ANK3: variants seen among roughly 807,000 people sequenced by gnomAD.
ANK3 encodes ankyrin-3.
A neutral mutation model predicts 370.9 loss-of-function variants in ANK3; 57 were observed. That is an observed-to-expected ratio of 0.15 (90% CI 0.12 to 0.19). ANK3 has a LOEUF of 0.19. ANK3 is among the 10% of genes least tolerant of loss of function. The probability of loss-of-function intolerance (pLI) is 1.00; values close to 1 mark genes in which losing one functional copy is unlikely to be tolerated. For missense variants in ANK3, 4,439 were observed against 5,302.1 expected (o/e 0.84, Z 5.06); for synonymous variants, 1,929 against 1,946.3 (o/e 0.99, Z 0.23).
intron 23 of ANK3, 69 bp from the exon 24 acceptor site, chr10:60,139,156 A>C: frequency 1.3e-6 from 2 of 1,558,910 alleles, no homozygotes; most frequent in South Asian, 1.2e-5. Flanking sequence ...GGAGAAAATC[A>C]CTCCTTTGGT....
At chr10:60,202,900 C>G (rs2096706838) in intron 12 of ANK3, 102 bp downstream of exon 12, 1 of 755,578 alleles carries the variant, frequency 1.3e-6, no homozygotes, top group African/African-American at 1.8e-5. Context: ...GAGCGATACT[C>G]CAACTCTTAA....
chr10:60,457,477 T>G (rs75273753), intron 2 of ANK3, among the ~76,000 whole-genome samples: 12,857 of 152,182 alleles, frequency 0.084, 661 homozygotes, highest in South Asian at 0.17. Flanking sequence ...TGCTAATATG[T>G]TCTAAAATTG....
At chr10:60,415,498 G>A (rs376603086) in intron 2 of ANK3, among the ~76,000 whole-genome samples, 8 of 152,284 alleles carry the variant, frequency 5.3e-5, no homozygotes, top group African/African-American at 1.9e-4. Context: ...TTAGCCACCT[G>A]TGGGAGGGAG....
chr10:60,197,994 G>T (rs530450677), intron 14 of ANK3, among the ~76,000 whole-genome samples: 11 of 152,342 alleles, frequency 7.2e-5, no homozygotes, highest in South Asian at 2.1e-4. Context: ...CAACCGAGCT[G>T]TGATAATGTG....
At chr10:60,518,604 C>T (rs552015105) in intron 2 of ANK3, among the ~76,000 whole-genome samples, 2 of 152,106 alleles carry the variant, frequency 1.3e-5, no homozygotes, top group South Asian at 2.1e-4. Context: ...TACTCAGAAG[C>T]GTAGCTGACT....
chr10:60,571,319 G>T (rs147286118), intron 2 of ANK3, among the ~76,000 whole-genome samples: 1 of 152,132 alleles, frequency 6.6e-6, no homozygotes, highest in African/African-American at 2.4e-5. Context: ...CTGGTAGTAG[G>T]TCCCTTAAGA....
rs150944196 is a variant in ANK3, at chr10:60,691,877, T to C, written c.57+41386A>G. Among the ~76,000 whole-genome samples the C allele has an allele frequency of 2.9e-3, 446 of 152,302 alleles. 3 individuals carry two copies. Among genetic ancestry groups the C allele is most frequent in the African/African-American group, 0.01 (423 of 41,552 alleles). On this transcript the variant is annotated intron_variant, in intron 1 of 43. Coordinates refer to the ANK3 transcript ENST00000373827. The stretch of plus-strand genomic sequence containing the variant: ...CTGAAATGTTTTCTGCCAAAGCACA[T>C]GCATGCATATACACGTGTACCTGTG...
chr10:60,198,702 G>A (rs2096624778), intron 13 of ANK3, among the ~76,000 whole-genome samples, 165 bp from the exon 14 acceptor site: 1 of 152,160 alleles, frequency 6.6e-6, no homozygotes, highest in African/African-American at 2.4e-5. Flanking sequence ...CAGAAATGAG[G>A]AGATGGTAGC....
chr10:60,659,384 T>C (rs1260321171), intron 1 of ANK3, among the ~76,000 whole-genome samples: 4 of 152,272 alleles, frequency 2.6e-5, no homozygotes, highest in African/African-American at 7.2e-5. Context: ...GTTTCTTTTC[T>C]AGTTTCTATC....
intron 5 of ANK3, among the ~76,000 whole-genome samples, chr10:60,265,153 C>A (rs1039992570): frequency 1.3e-5 from 2 of 152,068 alleles, no homozygotes; most frequent in African/African-American, 4.8e-5. Flanking sequence ...ATGTACAATA[C>A]ATTATTACTA....
At chr10:60,039,615 T>A (rs1425050600) in intron 43 of ANK3, among the ~76,000 whole-genome samples, 1 of 152,196 alleles carries the variant, frequency 6.6e-6, no homozygotes, top group Non-Finnish European at 1.5e-5. Context: ...AAGATCTATG[T>A]TCTAGATAAG....
At chr10:60,229,476 A>G (rs980727241) in intron 8 of ANK3, among the ~76,000 whole-genome samples, 3 of 152,222 alleles carry the variant, frequency 2.0e-5, no homozygotes, top group Non-Finnish European at 4.4e-5. Context: ...GTCAGTATCA[A>G]TAATTCTTTT....
chr10:60,272,089 T>TTGTG lies in ANK3; in HGVS notation c.415-1864_415-1861dup, dbSNP rs5785433. Among the ~76,000 whole-genome samples the TTGTG allele has an allele frequency of 3.2e-3, 465 of 145,838 alleles. 1 individual carries two copies. Among genetic ancestry groups the TTGTG allele is most frequent in the African/African-American group, 0.011 (439 of 38,966 alleles). ...TGGAGTACTTGGAACACTGTGGGAT[T>TTGTG]TGTGTGTGTGTGTGTGTGTGTGTGT... On this transcript the variant is annotated intron_variant, in intron 4 of 43. Coordinates refer to ENST00000280772, the MANE Select transcript of ANK3 (RefSeq NM_020987.5).
At chr10:60,141,580 T>TTTTTTTTTTTTTTTC in intron 23 of ANK3, among the ~76,000 whole-genome samples, 1 of 147,346 alleles carries the variant, frequency 6.8e-6, no homozygotes, top group Non-Finnish European at 1.5e-5. Context: ...TTTTTTTTTT[T>TTTTTTTTTTTTTTTC]TTTTTTGCTT....
chr10:60,302,807 C>T (rs1266361029), intron 1 of ANK3, among the ~76,000 whole-genome samples: 1 of 151,376 alleles, frequency 6.6e-6, no homozygotes, highest in East Asian at 1.9e-4. Flanking sequence ...GTAATCAAAA[C>T]AATCTGGTAT....
Position 60,074,382 on chromosome 10 carries a change from T to C in ANK3, c.6499A>G (p.Thr2167Ala). Residue 2167 changes from threonine to alanine, a missense_variant, in exon 37 of 44, where the codon ACT becomes GCT. Around this residue, in one of 13 missense-constraint regions of ANK3, gnomAD observed 1,601 missense variants for 1,731.7 expected, o/e 0.92. Transcript: ENST00000280772. ...CTCCTGATAACATGAACCACTTCAG[T>C]TCTTGTTTCTGTAATGACAGGAGGG... is the stretch of plus-strand genomic sequence containing the variant. ...PIPPVITETR[T>A]EVVHVIRSYD... 1 of 1,613,998 alleles carries C rather than the reference T, an allele frequency of 6.2e-7. No homozygotes were observed. The highest frequency in any genetic ancestry group is 1.3e-5 in the African/African-American group (1 of 74,988).
chr10:60,466,053 CATGG>C (rs1194170163), intron 2 of ANK3, among the ~76,000 whole-genome samples: 1 of 152,118 alleles, frequency 6.6e-6, no homozygotes, highest in Admixed American at 6.5e-5. Flanking sequence ...TGCATCACAC[CATGG>C]TCCTGCCACT....
At chr10:60,324,782 T>TA (rs1268177276) in intron 1 of ANK3, among the ~76,000 whole-genome samples, 1 of 152,218 alleles carries the variant, frequency 6.6e-6, no homozygotes, top group African/African-American at 2.4e-5. Context: ...GATTATCTAT[T>TA]AAAAATATAA....
rs2132506860 is a variant in ANK3, at chr10:60,226,520, AT to A, written c.897+8167del. Among the ~76,000 whole-genome samples, 3 of 87,946 alleles carry A rather than the reference AT, an allele frequency of 3.4e-5. No individual in the cohort carries two copies. In the South Asian group the frequency reaches 9.2e-4, roughly 27 times the overall value. The allele number at this position is 87,946 out of a possible 152,430, so 57.7% of individuals were successfully genotyped here. A position where few individuals can be genotyped will look rare whatever the true frequency, so the allele number is the denominator to read the frequency against. ...ACTATAGTATATATACATAGTATAT[AT>A]ACTATAGTATATATACATAGTATAT... On this transcript the variant is annotated intron_variant, in intron 8 of 43. Transcript: ENST00000280772.
Sources: gnomAD v4.1 joint callset for allele counts (sites outside exome capture counted in the v4.1 genomes callset) on GRCh38, gnomAD v4.1.1 for gene constraint, gnomAD v4.1.1 regional missense constraint, MANE v1.5 for transcripts, NCBI Gene and HGNC (gene_info 2026-07-23, HGNC 2026-07-21) for gene names.